NCALD: variants seen among roughly 807,000 people sequenced by gnomAD.
NCALD encodes the protein neurocalcin delta, also known as neurocalcin-delta.
NCALD carries 10 observed loss-of-function variants against 18.6 expected under a neutral mutation model. The ratio of observed to expected loss-of-function variants is 0.54; its 90% confidence interval spans 0.33 to 0.91. The LOEUF (loss-of-function observed/expected upper bound fraction) is 0.91. NCALD is among the 40% of genes least tolerant of loss of function. NCALD has a pLI of 0.03. For missense variants in NCALD, 184 were observed against 247.6 expected, an observed-to-expected ratio of 0.74 and a Z score of 1.72; for synonymous variants, 88 against 87.4, an observed-to-expected ratio of 1.01 and a Z score of -0.04.
At chr8:101,845,569 T>C (rs1814833451) in intron 4 of NCALD, among the ~76,000 whole-genome samples, 1 of 152,204 alleles carries the variant, frequency 6.6e-6, no homozygotes, top group African/African-American at 2.4e-5. Flanking sequence ...CTGTACATAT[T>C]TATGGGGTCC....
intron 1 of NCALD, among the ~76,000 whole-genome samples, chr8:102,045,125 G>A (rs1337312004): frequency 6.6e-6 from 1 of 152,154 alleles, no homozygotes; most frequent in Non-Finnish European, 1.5e-5. Context: ...TGAGACCAGG[G>A]GCCCATAACT....
intron 1 of NCALD, among the ~76,000 whole-genome samples, chr8:102,077,330 T>C (rs1318298007): frequency 1.3e-5 from 2 of 152,132 alleles, no homozygotes; most frequent in East Asian, 1.9e-4. Flanking sequence ...GGAGGCCGCA[T>C]TGTGTCCATG....
chr8:101,892,804 GT>G (rs934193273), intron 3 of NCALD, among the ~76,000 whole-genome samples: 4 of 149,740 alleles, frequency 2.7e-5, no homozygotes, highest in African/African-American at 1.0e-4. Context: ...GAGAAGGGAA[GT>G]TTAGAGAAAA....
intron 1 of NCALD, among the ~76,000 whole-genome samples, chr8:102,036,345 A>G (rs919556305): frequency 6.6e-6 from 1 of 151,590 alleles, no homozygotes; most frequent in African/African-American, 2.4e-5. Flanking sequence ...ATCACTATAT[A>G]TATCTTTTTT....
At chr8:101,775,666 A>G (rs1483834234) in intron 1 of NCALD, among the ~76,000 whole-genome samples, 1 of 152,136 alleles carries the variant, frequency 6.6e-6, no homozygotes, top group Non-Finnish European at 1.5e-5. Context: ...GCTCCTCTCC[A>G]CTGACCCAGC....
At chr8:101,900,282 T>G (rs1817372302) in intron 3 of NCALD, among the ~76,000 whole-genome samples, 1 of 151,908 alleles carries the variant, frequency 6.6e-6, no homozygotes, top group South Asian at 2.1e-4. Context: ...TTTATCAATT[T>G]TCTTTTCAAA....
At chr8:101,892,163 T>A (rs1377686192) in intron 3 of NCALD, among the ~76,000 whole-genome samples, 1 of 150,118 alleles carries the variant, frequency 6.7e-6, no homozygotes, top group South Asian at 2.1e-4. Flanking sequence ...CAGCTGGAGA[T>A]CTGAGAACCG....
At chr8:101,843,360 C>T (rs1024172388) in intron 4 of NCALD, among the ~76,000 whole-genome samples, 14 of 152,280 alleles carry the variant, frequency 9.2e-5, no homozygotes, top group African/African-American at 3.1e-4. Context: ...CAGAACTAGA[C>T]GGAGTCAATA....
intron 1 of NCALD, among the ~76,000 whole-genome samples, chr8:101,768,719 A>AAAC (rs1365810140): frequency 1.3e-3 from 124 of 95,134 alleles, no homozygotes; most frequent in African/African-American, 3.9e-3. Context: ...AAAAAACAAA[A>AAAC]AAACAAAAAA....
At chr8:101,929,304 A>C (rs866109965) in intron 2 of NCALD, among the ~76,000 whole-genome samples, 1 of 23,152 alleles carries the variant, frequency 4.3e-5, no homozygotes, top group Admixed American at 3.7e-4. Flanking sequence ...AGGGAGGAAG[A>C]AAGGAAGGAA....
At chr8:101,702,880 C>G (rs1422379935) in intron 2 of NCALD, among the ~76,000 whole-genome samples, 1 of 152,218 alleles carries the variant, frequency 6.6e-6, no homozygotes, top group Admixed American at 6.5e-5. Context: ...ATCCCATCAT[C>G]AAAACAGTAT....
At chr8:102,012,493 G>T (rs1215963770) in intron 2 of NCALD, among the ~76,000 whole-genome samples, 1 of 152,350 alleles carries the variant, frequency 6.6e-6, no homozygotes, top group East Asian at 1.9e-4. Context: ...CGACAAGGAC[G>T]TAAGGAGAGG....
rs72676128 is a variant in NCALD at position 101,769,833 on chromosome 8, C to T, written c.-20+21029G>A. Among the ~76,000 whole-genome samples the T allele has an allele frequency of 5.9e-3, 898 of 152,222 alleles. 15 individuals carry two copies. The highest frequency in any genetic ancestry group is 0.03 in the South Asian group (146 of 4,812). The stretch of plus-strand genomic sequence containing the variant: ...CTCAAACAAAATTAGCCTGGGGATG[C>T]GGAGAATCAGGTAACCTAATTAACA... On this transcript the variant is annotated intron_variant, in intron 1 of 3. Coordinates refer to ENST00000220931, the MANE Select transcript of NCALD (RefSeq NM_032041.3).
At chr8:101,721,614 C>T (rs550662641) in intron 1 of NCALD, among the ~76,000 whole-genome samples, 6 of 152,146 alleles carry the variant, frequency 3.9e-5, no homozygotes, top group East Asian at 3.9e-4. Context: ...TAAACTTCTA[C>T]GGGGTGGTGT....
At chr8:102,088,241 T>C (rs1426995088) in intron 1 of NCALD, among the ~76,000 whole-genome samples, 1 of 152,212 alleles carries the variant, frequency 6.6e-6, no homozygotes. Context: ...CAGGGTTCAA[T>C]TCCTGGCTTA....
intron 2 of NCALD, among the ~76,000 whole-genome samples, chr8:101,953,047 C>T (rs938606790): frequency 6.6e-6 from 1 of 152,028 alleles, no homozygotes; most frequent in African/African-American, 2.4e-5. Context: ...TGCTAACAAG[C>T]CCAGATTTCT....
At chr8:101,791,335 CT>C (rs1812437687), upstream of NCALD, among the ~76,000 whole-genome samples, 1 of 152,170 alleles carries the variant, frequency 6.6e-6, no homozygotes, top group African/African-American at 2.4e-5. Flanking sequence ...AAGCATGTCT[CT>C]CTCTCTCTCT....
chr8:102,029,919 T>C (rs1289440890), intron 1 of NCALD, among the ~76,000 whole-genome samples: 1 of 152,216 alleles, frequency 6.6e-6, no homozygotes, highest in Non-Finnish European at 1.5e-5. Flanking sequence ...CTGGGTTGCA[T>C]AGAAAATTTC....
intron 3 of NCALD, among the ~76,000 whole-genome samples, chr8:101,911,289 AG>A (rs536566473): frequency 1.1e-3 from 158 of 148,248 alleles, no homozygotes; most frequent in African/African-American, 3.8e-3. Context: ...AAAGAGGAGA[AG>A]GGGGGAGAAG....
Sources: gnomAD v4.1 joint callset for allele counts (sites outside exome capture counted in the v4.1 genomes callset) on GRCh38, gnomAD v4.1.1 for gene constraint, MANE v1.5 for transcripts, NCBI Gene and HGNC (gene_info 2026-07-23, HGNC 2026-07-21) for gene names.